CCDC3: variants seen among roughly 807,000 people sequenced by gnomAD.
CCDC3 encodes the protein coiled-coil domain containing 3.
CCDC3 carries 24 observed loss-of-function variants against 21.4 expected under a neutral mutation model. That is an observed-to-expected ratio of 1.12 (90% CI 0.81 to 1.58). The LOEUF (loss-of-function observed/expected upper bound fraction) is 1.58. Ranked by LOEUF, CCDC3 falls within the 40% of genes most tolerant of loss-of-function variation. The pLI is 0.00. For missense variants in CCDC3, 425 were observed against 360.9 expected (o/e 1.18, Z -1.44); for synonymous variants, 186 against 166.0 (o/e 1.12, Z -0.93).
chr10:13,012,161 C>T (rs1340165347), intron 5 of CCDC3, among the ~76,000 whole-genome samples: 4 of 152,118 alleles, frequency 2.6e-5, no homozygotes, highest in Non-Finnish European at 5.9e-5. Context: ...GACGAACATG[C>T]CAAAAGCAAT....
At chr10:13,084,292 T>C (rs961233483) in intron 3 of CCDC3, among the ~76,000 whole-genome samples, 8 of 151,084 alleles carry the variant, frequency 5.3e-5, no homozygotes, top group East Asian at 1.9e-4. Flanking sequence ...CTTTTCTTTT[T>C]TTTTTTTTTT....
At chr10:12,921,068 A>G (rs1834443759) in intron 2 of CCDC3, among the ~76,000 whole-genome samples, 3 of 152,224 alleles carry the variant, frequency 2.0e-5, no homozygotes, top group South Asian at 2.1e-4. Context: ...GGCAAGCTAC[A>G]TATTATGATA....
upstream of CCDC3, among the ~76,000 whole-genome samples, chr10:13,002,370 C>G (rs1448550432): frequency 1.3e-5 from 2 of 151,614 alleles, no homozygotes; most frequent in East Asian, 3.9e-4. Flanking sequence ...TCTCTAAAGG[C>G]AACAGGTTTT....
rs553456865 is a variant in CCDC3, at chr10:12,957,737, C to T, written c.549+40601G>A. On this transcript the variant is annotated intron_variant, in intron 2 of 2. Transcript: ENST00000378825. ...GAGCCTGCTGCCCTTTACTTTCTGC[C>T]ATGATTGCAGGCTTCCTGAGACTGC... is the stretch of plus-strand genomic sequence containing the variant. Among the ~76,000 whole-genome samples, 3 of 152,344 alleles carry T rather than the reference C, an allele frequency of 2.0e-5. No individual in the cohort carries two copies. The South Asian group carries it at 6.2e-4, about 32-fold the overall frequency.
intron 2 of CCDC3, among the ~76,000 whole-genome samples, chr10:12,911,417 T>C (rs1834269081): frequency 6.6e-6 from 1 of 152,220 alleles, no homozygotes; most frequent in African/African-American, 2.4e-5. Context: ...CGCTAATGTT[T>C]TTTTGAAAAT....
In CCDC3 at chr10:12,971,816, C is replaced by T. The variant is rs189249860; in HGVS notation, c.549+26522G>A. ...TTCTCCTTGCCTCAGCCTCCCAAGTCGCTGGAATTACAGGTGCCTGCCACC... is the reference window on the plus strand; with the variant it reads ...TTCTCCTTGCCTCAGCCTCCCAAGTTGCTGGAATTACAGGTGCCTGCCACC... On this transcript the variant is annotated intron_variant, in intron 2 of 2. Transcript: ENST00000378825. Among the ~76,000 whole-genome samples, 615 of 152,108 alleles carry T rather than the reference C, an allele frequency of 4.0e-3. 2 individuals are homozygous for T. The highest frequency in any genetic ancestry group is 6.5e-3 in the Admixed American group (100 of 15,270).
chr10:13,042,906 CAA>C (rs55911312), intron 5 of CCDC3, among the ~76,000 whole-genome samples: 30,286 of 99,576 alleles, frequency 0.3, 3,021 homozygotes, highest in Non-Finnish European at 0.33. Flanking sequence ...GAGACTGTCT[CAA>C]AAAAAAAAAA....
At chr10:13,029,086 A>G (rs2131409938) in intron 5 of CCDC3, among the ~76,000 whole-genome samples, 1 of 152,328 alleles carries the variant, frequency 6.6e-6, no homozygotes, top group Admixed American at 6.5e-5. Context: ...AGAGAGTGAC[A>G]GGATGCCAGC....
At chr10:12,945,038 A>G (rs367576955) in intron 2 of CCDC3, among the ~76,000 whole-genome samples, 2 of 152,188 alleles carry the variant, frequency 1.3e-5, no homozygotes, top group East Asian at 3.8e-4. Flanking sequence ...TCCCTCCCCT[A>G]TAGCTTTTTA....
At chr10:12,912,686 C>T (rs565947380) in intron 2 of CCDC3, among the ~76,000 whole-genome samples, 2 of 152,252 alleles carry the variant, frequency 1.3e-5, no homozygotes, top group African/African-American at 4.8e-5. Context: ...AAAATGATTG[C>T]CCAGACCAAT....
intron 2 of CCDC3, among the ~76,000 whole-genome samples, chr10:12,962,680 G>A (rs1835198382): frequency 6.6e-6 from 1 of 152,178 alleles, no homozygotes; most frequent in Non-Finnish European, 1.5e-5. Context: ...CATTTAAAAT[G>A]ACACATCAAG....
intron 4 of CCDC3, among the ~76,000 whole-genome samples, chr10:13,061,964 T>C (rs937526941): frequency 1.3e-5 from 2 of 151,310 alleles, no homozygotes; most frequent in Admixed American, 6.6e-5. Flanking sequence ...AGATGTAAAT[T>C]TCCCCCCCAC....
intron 2 of CCDC3, among the ~76,000 whole-genome samples, chr10:12,958,223 A>C (rs751544239): frequency 8.5e-5 from 13 of 152,152 alleles, no homozygotes; most frequent in African/African-American, 1.4e-4. Context: ...AACAAACAAA[A>C]AAAACCCAAC....
intron 3 of CCDC3, among the ~76,000 whole-genome samples, chr10:13,078,976 A>T (rs1018649707): frequency 4.6e-5 from 7 of 152,172 alleles, no homozygotes; most frequent in African/African-American, 1.7e-4. Flanking sequence ...TAATCTGCAC[A>T]TTGTGCACAT....
In CCDC3 at chr10:12,923,749, C is replaced by T. The variant is rs974904642; in HGVS notation, c.550-25070G>A. 2.6e-5 allele frequency among the ~76,000 whole-genome samples: 4 copies of T among 152,188 alleles called. No homozygotes were observed. The East Asian group carries it at 7.7e-4, about 29-fold the overall frequency. On this transcript the variant is annotated intron_variant, in intron 2 of 2. Transcript: ENST00000378825. ...ACTCCGGTCTGTGTCCCTCCCGACC[C>T]GTCTCCATGCCTGGAACTGGGCAGG...
chr10:13,086,764 G>A (rs572441276), intron 3 of CCDC3, among the ~76,000 whole-genome samples: 66 of 152,230 alleles, frequency 4.3e-4, no homozygotes, highest in South Asian at 4.1e-4. Context: ...AGGTTTCTAC[G>A]ATGAGTTTCA....
intron 4 of CCDC3, among the ~76,000 whole-genome samples, chr10:13,070,420 G>A (rs1004261199): frequency 2.0e-5 from 3 of 152,186 alleles, no homozygotes; most frequent in Non-Finnish European, 4.4e-5. Context: ...CTTTACTGAG[G>A]CTTTGACTGG....
intron 3 of CCDC3, among the ~76,000 whole-genome samples, chr10:13,095,436 T>TGGGGGGGG: frequency 7.5e-6 from 1 of 133,674 alleles, no homozygotes; most frequent in Admixed American, 7.6e-5. Context: ...TGGTGGTGGG[T>TGGGGGGGG]GGGGGGGTGG....
intron 4 of CCDC3, among the ~76,000 whole-genome samples, chr10:13,050,791 G>GT (rs1412556740): frequency 3.3e-5 from 5 of 151,678 alleles, no homozygotes; most frequent in African/African-American, 7.3e-5. Context: ...GTTTTAGTTT[G>GT]TTTTTTATTT....
Sources: allele counts gnomAD v4.1 joint callset (sites outside exome capture counted in the v4.1 genomes callset), GRCh38; gene constraint gnomAD v4.1.1; transcripts MANE v1.5; gene names NCBI Gene and HGNC (gene_info 2026-07-23, HGNC 2026-07-21).